ERICH6B: variants seen among roughly 807,000 people sequenced by gnomAD.
ERICH6B encodes the protein glutamate rich 6B.
In ERICH6B, 69 loss-of-function variants were observed where a neutral mutation model predicts 80.0. The ratio of observed to expected loss-of-function variants is 0.86; its 90% confidence interval spans 0.71 to 1.05. The LOEUF is 1.05. Ranked by LOEUF, ERICH6B falls within the 50% of genes least tolerant of loss-of-function variation. ERICH6B has a pLI of 0.00. For missense variants in ERICH6B, 754 were observed against 796.1 expected (o/e 0.95, Z 0.64); for synonymous variants, 283 against 291.9 (o/e 0.97, Z 0.31).
intron 4 of ERICH6B, among the ~76,000 whole-genome samples, chr13:45,589,070 GCTATC>G (rs57088396): frequency 0.17 from 26,492 of 152,096 alleles, 2,806 homozygotes; most frequent in South Asian, 0.36. Context: ...ATCTGTACCT[GCTATC>G]CTTCCCCAAC....
At position 45,603,541 on chromosome 13, in the gene ERICH6B, C is replaced by T. The variant is rs12431001; in HGVS notation, c.-59+4023G>A. Among the ~76,000 whole-genome samples the T allele has an allele frequency of 4.1e-3, 631 of 152,290 alleles. 14 individuals are homozygous for T. Among genetic ancestry groups the T allele is most frequent in the Admixed American group, 0.034 (518 of 15,288 alleles). ...TGGCTCCTGCCCTGCTGGTCCTAGACCTGCTGGTCTTTCCTAACATGCCAG... is the reference window on the plus strand; with the variant it reads ...TGGCTCCTGCCCTGCTGGTCCTAGATCTGCTGGTCTTTCCTAACATGCCAG... On this transcript the variant is annotated intron_variant, in intron 2 of 14. Coordinates refer to ENST00000298738, the MANE Select transcript of ERICH6B (RefSeq NM_182542.3).
At position 45,541,388 on chromosome 13, in the gene ERICH6B, G is replaced by A; in HGVS notation, c.*74C>T. The A allele has an allele frequency of 7.6e-7, 1 of 1,309,338 alleles. No homozygotes were observed. The highest frequency in any genetic ancestry group is 1.1e-6 in the Non-Finnish European group (1 of 943,082). The allele number at this position is 1,309,338 out of a possible 1,614,324, so 81.1% of individuals were successfully genotyped here. ...TCTCATAAAAGGTCAACAGGTCTTT[G>A]GGTTTTTTTTCCCTGGAGCTCCCAA... On this transcript the variant is annotated 3_prime_UTR_variant, in exon 15 of 15. Transcript: ENST00000298738.
In ERICH6B at chr13:45,587,125, A is replaced by G. The variant is rs1875940990; in HGVS notation, c.794T>C (p.Leu265Pro). The G allele has an allele frequency of 1.3e-6, 2 of 1,551,730 alleles. No individual in the cohort carries two copies. Among genetic ancestry groups the G allele is most frequent in the Non-Finnish European group, 1.7e-6 (2 of 1,147,002 alleles). ...SESATESSEL[L>P]LTLYRRSQAS... The stretch of plus-strand genomic sequence containing the variant: ...CTGGCTCCTCCTGTACAATGTCAGA[A>G]GCAACTCAGAAGACTCTGTGGCAGA... The change falls in exon 5 of 15, where the codon CTT (leucine) becomes CCT (proline). Residue 265 changes from leucine (L) to proline (P), a missense_variant. Leu to Pro is a moderately conservative substitution (Grantham distance 98). Coordinates refer to ENST00000298738, the MANE Select transcript of ERICH6B (RefSeq NM_182542.3).
At chr13:45,613,104 A>G (rs1193363445) in intron 1 of ERICH6B, among the ~76,000 whole-genome samples, 2 of 152,152 alleles carry the variant, frequency 1.3e-5, no homozygotes, top group East Asian at 1.9e-4. Flanking sequence ...TAGACATGTT[A>G]TCCTATGTTG....
At chr13:45,564,509 C>G (rs1874832007) in intron 9 of ERICH6B, among the ~76,000 whole-genome samples, 1 of 152,204 alleles carries the variant, frequency 6.6e-6, no homozygotes, top group South Asian at 2.1e-4. Context: ...ATCCTTAGAT[C>G]AGATTCCTTG....
intron 2 of ERICH6B, 74 bp downstream of exon 2, chr13:45,607,490 C>T (rs1182152052): frequency 6.6e-6 from 1 of 152,224 alleles, no homozygotes; most frequent in East Asian, 1.9e-4. Flanking sequence ...ATAAGAATTA[C>T]TTGAAATCAT....
rs772600831 is a variant in ERICH6B, at chr13:45,580,620, G to A, written c.902C>T (p.Thr301Met). Reference sequence around the variant, plus strand: ...AACTTTACCTTCCGGAGCCAGCTTCGTGGTGGTTTCTTGCTCTGTTTCTGA... The same window carrying A: ...AACTTTACCTTCCGGAGCCAGCTTCATGGTGGTTTCTTGCTCTGTTTCTGA... ...SKSETEQETTTKLAPEEHVNT... is the reference protein window; with the variant it reads ...SKSETEQETTMKLAPEEHVNT... The change falls in exon 6 of 15, where the codon ACG (threonine) becomes ATG (methionine). Residue 301 changes from threonine (T) to methionine (M), a missense_variant. Thr to Met is a moderately conservative substitution (Grantham distance 81). Coordinates refer to ENST00000298738, the MANE Select transcript of ERICH6B (RefSeq NM_182542.3). 3.9e-5 allele frequency: 60 copies of A among 1,551,606 alleles called. No individual in the cohort carries two copies. The highest frequency in any genetic ancestry group is 9.5e-5 in the South Asian group (8 of 84,062).
intron 13 of ERICH6B, among the ~76,000 whole-genome samples, chr13:45,549,208 G>A (rs185729618): frequency 1.4e-4 from 21 of 151,952 alleles, no homozygotes; most frequent in East Asian, 1.2e-3. Flanking sequence ...TGCTTGAACC[G>A]GGGAGGCAGA....
intron 1 of ERICH6B, among the ~76,000 whole-genome samples, chr13:45,611,749 AGACT>A (rs993232372): frequency 3.3e-5 from 5 of 152,214 alleles, no homozygotes; most frequent in African/African-American, 1.2e-4. Context: ...GTGCCTCGTG[AGACT>A]GACTATTGGG....
intron 7 of ERICH6B, among the ~76,000 whole-genome samples, chr13:45,576,124 G>A (rs764484464): frequency 1.3e-4 from 20 of 152,248 alleles, no homozygotes; most frequent in Non-Finnish European, 2.9e-4. Flanking sequence ...CCCAATTTTG[G>A]CTCCGTAGCA....
chr13:45,553,656 GA>G (rs1181432487), intron 11 of ERICH6B, among the ~76,000 whole-genome samples: 2 of 152,204 alleles, frequency 1.3e-5, no homozygotes, highest in African/African-American at 4.8e-5. Context: ...GAGGCTAAAT[GA>G]CTTACACAAA....
Position 45,597,062 on chromosome 13 carries a change from T to A in ERICH6B, c.-57A>T, listed in dbSNP as rs1441262515. The A allele has an allele frequency of 2.0e-6, 3 of 1,466,244 alleles. No individual in the cohort carries two copies. The highest frequency in any genetic ancestry group is 5.0e-5 in the East Asian group (2 of 40,226). 90.8% of individuals were successfully genotyped at this position (1,466,244 alleles called of 1,614,324 possible). A position where few individuals can be genotyped will look rare whatever the true frequency, so the allele number is the denominator to read the frequency against. ...TGCAGCAGCCAACGTCACTTTATTA[T>A]CCTGTATCCAAGAAAGGAATAAAAT... On this transcript the variant is annotated splice_region_variant and 5_prime_UTR_variant, in exon 3 of 15. Transcript: ENST00000298738.
At chr13:45,583,127 T>G (rs1875744448) in intron 5 of ERICH6B, among the ~76,000 whole-genome samples, 1 of 152,250 alleles carries the variant, frequency 6.6e-6, no homozygotes, top group Non-Finnish European at 1.5e-5. Context: ...TCCTGCTATT[T>G]CTCAACTAAT....
intron 11 of ERICH6B, among the ~76,000 whole-genome samples, chr13:45,552,188 G>T (rs776449705): frequency 6.6e-5 from 10 of 152,140 alleles, no homozygotes; most frequent in Non-Finnish European, 1.3e-4. Flanking sequence ...AGAGAACATA[G>T]CCTATATAAT....
intron 1 of ERICH6B, among the ~76,000 whole-genome samples, chr13:45,609,312 A>G (rs568801079): frequency 4.6e-5 from 7 of 152,164 alleles, no homozygotes; most frequent in African/African-American, 1.7e-4. Context: ...TCACCTCAGG[A>G]TGCTTCCACT....
intron 9 of ERICH6B, among the ~76,000 whole-genome samples, chr13:45,565,910 A>G (rs1200881147): frequency 1.3e-5 from 2 of 152,244 alleles, no homozygotes; most frequent in African/African-American, 4.8e-5. Flanking sequence ...TGGAGGCCTC[A>G]GAAGAAGACA....
Position 45,580,706 on chromosome 13 carries a change from C to T in ERICH6B, c.857-41G>A, listed in dbSNP as rs1158667186. Reference sequence around the variant, plus strand: ...AGAGGGTGGCTATTAATGATTTAAACCTTACATTTTCCAGTGGGTTCATAC... The same window carrying T: ...AGAGGGTGGCTATTAATGATTTAAATCTTACATTTTCCAGTGGGTTCATAC... On this transcript the variant is annotated intron_variant, in intron 5 of 14. Coordinates refer to ENST00000298738, the MANE Select transcript of ERICH6B (RefSeq NM_182542.3). 5 of 1,545,246 alleles carry T rather than the reference C, an allele frequency of 3.2e-6. No individual in the cohort carries two copies. In the Admixed American group the frequency reaches 7.8e-5, roughly 24 times the overall value.
At chr13:45,551,438 CCTT>C (rs1386065170) in intron 11 of ERICH6B, 5 of 152,154 alleles carry the variant, frequency 3.3e-5, no homozygotes, top group Admixed American at 1.3e-4. Context: ...TCCTACTCCT[CCTT>C]CACATCCTCC....
At chr13:45,590,505 G>A in intron 4 of ERICH6B, 144 bp downstream of exon 4, 3 of 711,888 alleles carry the variant, frequency 4.2e-6, no homozygotes, top group South Asian at 2.0e-5. Context: ...GGCGAGCAGG[G>A]TTGTAACTTC....
Sources: allele counts gnomAD v4.1 joint callset (sites outside exome capture counted in the v4.1 genomes callset), GRCh38; gene constraint gnomAD v4.1.1; transcripts MANE v1.5; gene names NCBI Gene and HGNC (gene_info 2026-07-23, HGNC 2026-07-21).